Variants in MEAF6 observed in about 807,000 individuals in gnomAD.
MEAF6 encodes the protein chromatin modification-related protein MEAF6.
A neutral mutation model predicts 28.9 loss-of-function variants in MEAF6; 15 were observed. That is an observed-to-expected ratio of 0.52 (90% CI 0.35 to 0.80). The LOEUF is 0.80. Ranked by LOEUF, MEAF6 falls within the 30% of genes least tolerant of loss-of-function variation. The probability of loss-of-function intolerance (pLI) is 0.01; values close to 1 mark genes in which losing one functional copy is unlikely to be tolerated. For synonymous variants in MEAF6, 97 were observed against 88.7 expected, an observed-to-expected ratio of 1.09 and a Z score of -0.53; for missense variants, 178 against 237.5, an observed-to-expected ratio of 0.75 and a Z score of 1.65.
At position 37,492,544 on chromosome 1, in the gene MEAF6, T is replaced by C. The variant is rs1399002919; in HGVS notation, c.*1555A>G. The C allele has an allele frequency of 6.8e-5, 7 of 102,352 alleles. No homozygotes were observed. The highest frequency in any genetic ancestry group is 2.6e-4 in the African/African-American group (7 of 27,252). The allele number at this position is 102,352 out of a possible 1,614,324, so 6.3% of individuals were successfully genotyped here. A position where few individuals can be genotyped will look rare whatever the true frequency, so the allele number is the denominator to read the frequency against. ...CTGCTACCAAAGACACAGTCAAAGA[T>C]CTAAATAGCCAGAGTCAAAAAAAAA... On this transcript the variant is annotated 3_prime_UTR_variant, in exon 7 of 7. Transcript: ENST00000296214.
At chr1:37,503,923 G>A (rs1272618613) in intron 4 of MEAF6, among the ~76,000 whole-genome samples, 2 of 152,102 alleles carry the variant, frequency 1.3e-5, no homozygotes, top group South Asian at 2.1e-4. Flanking sequence ...TGCATAAGCC[G>A]AGATCGCTCT....
intron 4 of MEAF6, among the ~76,000 whole-genome samples, chr1:37,508,274 C>CTTT (rs577291632): frequency 1.9e-4 from 16 of 83,878 alleles, no homozygotes; most frequent in South Asian, 8.1e-4. Flanking sequence ...ATGAGCATTT[C>CTTT]TTTTTTTTTT....
At chr1:37,501,576 C>G in intron 5 of MEAF6, 1 of 394,868 alleles carries the variant, frequency 2.5e-6, no homozygotes, top group East Asian at 3.7e-5. Flanking sequence ...TAAAACTATT[C>G]TACACTAGAA....
intron 2 of MEAF6, among the ~76,000 whole-genome samples, chr1:37,512,383 T>A (rs972226322): frequency 1.3e-5 from 2 of 152,226 alleles, no homozygotes; most frequent in African/African-American, 4.8e-5. Flanking sequence ...AATATAGATG[T>A]GTGCTTATAT....
intron 4 of MEAF6, among the ~76,000 whole-genome samples, chr1:37,504,742 A>G (rs1349256367): frequency 1.4e-5 from 2 of 144,474 alleles, no homozygotes; most frequent in African/African-American, 5.2e-5. Context: ...ACTGCACTCC[A>G]GCCTGGGCAA....
intron 5 of MEAF6, among the ~76,000 whole-genome samples, chr1:37,499,543 T>G (rs1642229589): frequency 6.6e-6 from 1 of 152,122 alleles, no homozygotes. Context: ...GAATTTTGCT[T>G]CCCTAGAAAG....
At position 37,492,034 on chromosome 1, in the gene MEAF6, A is replaced by AT. The variant is rs200632365; in HGVS notation, c.*2064dup. 0.26 allele frequency among the ~76,000 whole-genome samples: 36,556 copies of AT among 138,372 alleles called. 4,947 individuals carry two copies. Among genetic ancestry groups the AT allele is most frequent in the East Asian group, 0.47 (2,252 of 4,838 alleles). 90.8% of individuals were successfully genotyped at this position (138,372 alleles called of 152,430 possible). Reference sequence around the variant, plus strand: ...TCTCAAACTGTTAAGAGTCAAAAATATTTTTTTTTTTTGAGATGGAGTCTC... The same window carrying AT: ...TCTCAAACTGTTAAGAGTCAAAAATATTTTTTTTTTTTTGAGATGGAGTCTC... On this transcript the variant is annotated 3_prime_UTR_variant, in exon 7 of 7. Coordinates refer to ENST00000296214, the MANE Select transcript of MEAF6 (RefSeq NM_001270875.3).
At chr1:37,494,861 C>A (rs1473252204) in intron 6 of MEAF6, among the ~76,000 whole-genome samples, 2 of 151,678 alleles carry the variant, frequency 1.3e-5, no homozygotes, top group African/African-American at 2.4e-5. Flanking sequence ...AAAAAAGATT[C>A]TATTCCAAAT....
rs377106911 is a variant in MEAF6 at position 37,513,577 on chromosome 1, A to G, written c.91-39T>C. The G allele has an allele frequency of 4.3e-4, 635 of 1,464,870 alleles. 1 individual carries two copies. The highest frequency in any genetic ancestry group is 5.8e-4 in the Non-Finnish European group (604 of 1,043,944). 90.7% of individuals were successfully genotyped at this position (1,464,870 alleles called of 1,614,324 possible). A position where few individuals can be genotyped will look rare whatever the true frequency, so the allele number is the denominator to read the frequency against. On this transcript the variant is annotated intron_variant, in intron 1 of 6. Transcript: ENST00000296214. ...AACAAGGACATGAATGATACCTTTT[A>G]AATGCAAACACTTAAGTCTGGCCAA...
intron 4 of MEAF6, among the ~76,000 whole-genome samples, chr1:37,503,252 T>A (rs1232358882): frequency 6.6e-6 from 1 of 152,226 alleles, no homozygotes; most frequent in African/African-American, 2.4e-5. Flanking sequence ...ACTTTTAAAA[T>A]GCAGTAATAA....
chr1:37,500,943 T>C (rs1455837973), intron 5 of MEAF6: 2 of 154,168 alleles, frequency 1.3e-5, no homozygotes, highest in Non-Finnish European at 2.9e-5. Context: ...TCGGAACTTC[T>C]AGGAGGCATG....
chr1:37,498,330 C>G (rs1163202089), intron 5 of MEAF6, among the ~76,000 whole-genome samples: 2 of 151,878 alleles, frequency 1.3e-5, no homozygotes, highest in Admixed American at 1.3e-4. Flanking sequence ...TAGACTGTAT[C>G]TAGTTAATCA....
chr1:37,495,704 C>CAAAAAAAAAAAAAAAAAAAAAA (rs1217893546), intron 6 of MEAF6, among the ~76,000 whole-genome samples, 181 bp downstream of exon 6: 1 of 64,486 alleles, frequency 1.6e-5, no homozygotes, highest in African/African-American at 5.5e-5. Flanking sequence ...AAACAAAAAA[C>CAAAAAAAAAAAAAAAAAAAAAA]AAAAAAAAAA....
rs12759356 is a variant in MEAF6 at position 37,491,593 on chromosome 1, T to G, written c.*2506A>C. On this transcript the variant is annotated 3_prime_UTR_variant, in exon 7 of 7. Transcript: ENST00000296214. ...ATGCACCTATAGTCCCAGGTACTAG[T>G]AAGGCTGAAGCAGGAAGATGGCTTG... Among the ~76,000 whole-genome samples the G allele has an allele frequency of 0.13, 19,796 of 151,962 alleles. 1,583 individuals are homozygous for G. Among genetic ancestry groups the G allele is most frequent in the South Asian group, 0.17 (840 of 4,818 alleles).
At chr1:37,507,793 C>G (rs1332127138) in intron 4 of MEAF6, among the ~76,000 whole-genome samples, 1 of 150,588 alleles carries the variant, frequency 6.6e-6, no homozygotes, top group Non-Finnish European at 1.5e-5. Context: ...CCACTGCACT[C>G]CAGCCTAGGC....
rs183376040 is a variant in MEAF6 at position 37,504,482 on chromosome 1, A to G, written c.341-2486T>C. Among the ~76,000 whole-genome samples, 317 of 152,202 alleles carry G rather than the reference A, an allele frequency of 2.1e-3. 1 individual carries two copies. Among genetic ancestry groups the G allele is most frequent in the Non-Finnish European group, 3.0e-3 (206 of 68,012 alleles). The stretch of plus-strand genomic sequence containing the variant: ...CTGTTGAAGGATCCTAAATATATAC[A>G]TTATCTGGCCGAGCACAGTGGCTCA... On this transcript the variant is annotated intron_variant, in intron 4 of 6. Coordinates refer to ENST00000296214, the MANE Select transcript of MEAF6 (RefSeq NM_001270875.3).
chr1:37,501,699 A>T, intron 5 of MEAF6, 105 bp downstream of exon 5: 1 of 1,156,452 alleles, frequency 8.6e-7, no homozygotes, highest in South Asian at 2.3e-5. Flanking sequence ...TCTTGCCATC[A>T]GCAACAGAAA....
At chr1:37,495,704 CA>C (rs1217893546) in intron 6 of MEAF6, among the ~76,000 whole-genome samples, 180 bp downstream of exon 6, 1,064 of 64,456 alleles carry the variant, frequency 0.017, 12 homozygotes, top group African/African-American at 0.055. Flanking sequence ...AAACAAAAAA[CA>C]AAAAAAAAAA....
Position 37,509,321 on chromosome 1 carries a change from T to C in MEAF6, c.297A>G (p.Ala99=). 6.2e-7 allele frequency: 1 copy of C among 1,614,100 alleles called. No individual in the cohort carries two copies. Among genetic ancestry groups the C allele is most frequent in the Non-Finnish European group, 8.5e-7 (1 of 1,179,970 alleles). The change falls in exon 4 of 7, where the codon GCA becomes GCG. Residue 99 remains alanine (A), a splice_region_variant and synonymous_variant. Coordinates refer to ENST00000296214, the MANE Select transcript of MEAF6 (RefSeq NM_001270875.3). ...CCTGAACTCCTGCCAATGCACTTAC[T>C]GCCTAAAAGAAAAGCCACCAGTTAC... is the stretch of plus-strand genomic sequence containing the variant. The part of the protein sequence containing the change: ...FSKSSVTSAA[A]VSALAGVQDQ...
Sources: gnomAD v4.1 joint callset for allele counts (sites outside exome capture counted in the v4.1 genomes callset) on GRCh38, gnomAD v4.1.1 for gene constraint, MANE v1.5 for transcripts, NCBI Gene and HGNC (gene_info 2026-07-23, HGNC 2026-07-21) for gene names.